ACYP2: variants seen among roughly 807,000 people sequenced by gnomAD.
ACYP2 encodes acylphosphatase-2.
In ACYP2, 12 loss-of-function variants were observed where a neutral mutation model predicts 11.2. The ratio of observed to expected loss-of-function variants is 1.08; its 90% CI spans 0.69 to 1.74. The LOEUF is 1.74. ACYP2 is among the 40% of genes most tolerant of loss of function. ACYP2 has a pLI of 0.00. For synonymous variants in ACYP2, 43 were observed against 32.2 expected (o/e 1.33, Z -1.13); for missense variants, 134 against 101.9 (o/e 1.31, Z -1.35).
rs746578701 is a variant in ACYP2, at chr2:54,304,903, T to C, written c.*101T>C. 91 of 567,748 alleles carry C rather than the reference T, an allele frequency of 1.6e-4. No homozygotes were observed. Among genetic ancestry groups the C allele is most frequent in the Admixed American group, 5.9e-4 (17 of 28,578 alleles). The allele number at this position is 567,748 out of a possible 1,614,324, so 35.2% of individuals were successfully genotyped here. ...AGCAGAGTAGGGTGAAAAGGAACTT[T>C]CTGTTCTGAAAGCTAAGCGACTGTA... On this transcript the variant is annotated 3_prime_UTR_variant, in exon 7 of 7. Coordinates refer to ENST00000607452, the MANE Select transcript of ACYP2 (RefSeq NM_001320586.2).
chr2:54,301,556 A>G (rs1006202090), intron 6 of ACYP2, among the ~76,000 whole-genome samples: 3 of 152,214 alleles, frequency 2.0e-5, no homozygotes, highest in African/African-American at 4.8e-5. Flanking sequence ...TGACTTGCGT[A>G]AAGTCCTACT....
intron 2 of ACYP2, among the ~76,000 whole-genome samples, chr2:53,991,085 C>T (rs1394565147): frequency 6.6e-6 from 1 of 152,136 alleles, no homozygotes; most frequent in African/African-American, 2.4e-5. Context: ...CGTGAGCCAC[C>T]GTGCCCTGTC....
intron 4 of ACYP2, among the ~76,000 whole-genome samples, chr2:54,121,578 G>A (rs1680160774): frequency 6.6e-6 from 1 of 152,218 alleles, no homozygotes; most frequent in South Asian, 2.1e-4. Flanking sequence ...GCATGATTTA[G>A]AAGTACACAT....
At chr2:54,065,858 G>C (rs771194748) in intron 4 of ACYP2, 4 of 213,720 alleles carry the variant, frequency 1.9e-5, no homozygotes, top group Admixed American at 5.9e-5. Flanking sequence ...ACTATCATCA[G>C]CACTTACAAG....
At chr2:54,234,213 G>C (rs1686372150) in intron 6 of ACYP2, among the ~76,000 whole-genome samples, 1 of 152,106 alleles carries the variant, frequency 6.6e-6, no homozygotes, top group South Asian at 2.1e-4. Context: ...CTAAGCTTTT[G>C]GCTTTCTCAA....
intron 4 of ACYP2, among the ~76,000 whole-genome samples, chr2:54,092,373 G>A (rs375461258): frequency 2.8e-4 from 42 of 152,162 alleles, no homozygotes; most frequent in African/African-American, 3.9e-4. Flanking sequence ...TTGACACTCC[G>A]CTGATCCGTA....
chr2:53,987,232 C>G (rs895313046), intron 2 of ACYP2, among the ~76,000 whole-genome samples: 1 of 152,016 alleles, frequency 6.6e-6, no homozygotes, highest in South Asian at 2.1e-4. Context: ...CTGGTTATGT[C>G]CTGTTTCTCC....
intron 4 of ACYP2, among the ~76,000 whole-genome samples, chr2:54,096,456 C>T (rs913225651): frequency 6.6e-6 from 1 of 152,216 alleles, no homozygotes; most frequent in South Asian, 2.1e-4. Flanking sequence ...GCTGTACTCT[C>T]GGCACTTTGG....
At chr2:54,171,411 A>G (rs759685517) in intron 6 of ACYP2, among the ~76,000 whole-genome samples, 3 of 152,186 alleles carry the variant, frequency 2.0e-5, no homozygotes, top group Admixed American at 2.0e-4. Context: ...CCAAATGCAT[A>G]TCTTCTCTAT....
At chr2:54,013,269 G>A (rs755187587) in intron 2 of ACYP2, among the ~76,000 whole-genome samples, 2,886 of 113,844 alleles carry the variant, frequency 0.025, 85 homozygotes, top group South Asian at 0.048. Flanking sequence ...GTGTGTGTGT[G>A]TGTGTGTGTG....
At chr2:54,009,735 A>C (rs1025809242) in intron 2 of ACYP2, among the ~76,000 whole-genome samples, 27 of 152,200 alleles carry the variant, frequency 1.8e-4, no homozygotes, top group African/African-American at 6.3e-4. Flanking sequence ...AAGAGAGCCA[A>C]GCTGAGCACA....
chr2:54,115,273 T>C (rs144662525), intron 4 of ACYP2: 2 of 423,024 alleles, frequency 4.7e-6, no homozygotes, highest in East Asian at 4.3e-5. Flanking sequence ...AAACATCACC[T>C]TGTACACCAC....
At chr2:54,012,562 C>T (rs1558470850) in intron 2 of ACYP2, among the ~76,000 whole-genome samples, 2 of 152,170 alleles carry the variant, frequency 1.3e-5, no homozygotes, top group South Asian at 2.1e-4. Context: ...TCTCTGCTCT[C>T]CCTATGCTGA....
chr2:54,195,896 C>T (rs1288877758), intron 6 of ACYP2, among the ~76,000 whole-genome samples: 1 of 145,216 alleles, frequency 6.9e-6, no homozygotes, highest in Non-Finnish European at 1.5e-5. Context: ...CTCCTGGGTT[C>T]CAGCAGTTCT....
intron 6 of ACYP2, among the ~76,000 whole-genome samples, chr2:54,304,378 G>C (rs564048196): frequency 3.8e-4 from 58 of 152,160 alleles, no homozygotes; most frequent in African/African-American, 1.3e-3. Context: ...ATCGTTTTGA[G>C]TATAAGAGCC....
intron 3 of ACYP2, among the ~76,000 whole-genome samples, chr2:54,054,446 T>A (rs958616934): frequency 6.6e-6 from 1 of 152,246 alleles, no homozygotes; most frequent in African/African-American, 2.4e-5. Flanking sequence ...CCTTGTGATA[T>A]TCTGCTGACA....
chr2:54,070,958 C>T (rs1677011268), intron 4 of ACYP2, among the ~76,000 whole-genome samples: 1 of 151,974 alleles, frequency 6.6e-6, no homozygotes, highest in Admixed American at 6.6e-5. Flanking sequence ...CATCATGTTG[C>T]CCAGGTTGGT....
chr2:54,194,360 G>A (rs1684364834), intron 6 of ACYP2, among the ~76,000 whole-genome samples: 1 of 152,030 alleles, frequency 6.6e-6, no homozygotes, highest in Non-Finnish European at 1.5e-5. Flanking sequence ...TTTTCTTTTG[G>A]GAACACTGTG....
At chr2:54,121,023 T>C (rs112754955) in intron 4 of ACYP2, among the ~76,000 whole-genome samples, 1 of 152,146 alleles carries the variant, frequency 6.6e-6, no homozygotes, top group African/African-American at 2.4e-5. Context: ...TGGCACACAA[T>C]GGTTTTTTCA....
Sources: allele counts gnomAD v4.1 joint callset (sites outside exome capture counted in the v4.1 genomes callset), GRCh38; gene constraint gnomAD v4.1.1; transcripts MANE v1.5; gene names NCBI Gene and HGNC (gene_info 2026-07-23, HGNC 2026-07-21).